FAM168A: variants seen among roughly 807,000 people sequenced by gnomAD.
FAM168A encodes family with sequence similarity 168 member A.
In FAM168A, 3 loss-of-function variants were observed where a neutral mutation model predicts 28.5. That is an observed-to-expected ratio of 0.11 (90% CI 0.05 to 0.27). The LOEUF (loss-of-function observed/expected upper bound fraction) is 0.27. Ranked by LOEUF, FAM168A falls within the 10% of genes least tolerant of loss-of-function variation. The pLI is 1.00. For synonymous variants in FAM168A, 122 were observed against 124.2 expected (o/e 0.98, Z 0.12); for missense variants, 222 against 311.5 (o/e 0.71, Z 2.16).
At chr11:73,548,686 A>C (rs1054484543) in intron 1 of FAM168A, among the ~76,000 whole-genome samples, 1 of 152,082 alleles carries the variant, frequency 6.6e-6, no homozygotes, top group Admixed American at 6.6e-5. Context: ...TGTCATCCAC[A>C]CTGGAGTGTA....
intron 1 of FAM168A, among the ~76,000 whole-genome samples, chr11:73,512,552 G>T (rs1184606073): frequency 6.6e-6 from 1 of 151,672 alleles, no homozygotes; most frequent in Non-Finnish European, 1.5e-5. Context: ...GGGGGATAAG[G>T]GTGGATTTTA....
intron 1 of FAM168A, among the ~76,000 whole-genome samples, chr11:73,565,352 C>A (rs1485820037): frequency 8.5e-5 from 13 of 152,132 alleles, no homozygotes; most frequent in Non-Finnish European, 4.4e-5. Context: ...TAAATTGAGA[C>A]CACATTATAA....
intron 1 of FAM168A, among the ~76,000 whole-genome samples, chr11:73,515,794 C>G (rs1943296132): frequency 1.3e-5 from 2 of 152,068 alleles, no homozygotes; most frequent in Non-Finnish European, 2.9e-5. Context: ...AACATTTTGG[C>G]TCAGTCTTAA....
chr11:73,537,645 C>T (rs1163038261), intron 1 of FAM168A, among the ~76,000 whole-genome samples: 1 of 152,188 alleles, frequency 6.6e-6, no homozygotes, highest in Non-Finnish European at 1.5e-5. Flanking sequence ...CTACCAGAGA[C>T]ATTCTAATGG....
intron 1 of FAM168A, among the ~76,000 whole-genome samples, chr11:73,572,077 G>T (rs928408091): frequency 1.3e-5 from 2 of 152,050 alleles, no homozygotes; most frequent in Admixed American, 6.5e-5. Context: ...TCTGGGAAGT[G>T]AGGAGCCCCT....
At chr11:73,542,901 T>C (rs1022433203) in intron 1 of FAM168A, among the ~76,000 whole-genome samples, 4 of 152,074 alleles carry the variant, frequency 2.6e-5, no homozygotes, top group African/African-American at 7.2e-5. Context: ...AACGGGAAAA[T>C]TCTCCTCTTC....
rs754912339 is a variant in FAM168A, at chr11:73,425,108, T to C, written c.152-5109A>G. On this transcript the variant is annotated intron_variant, in intron 3 of 7. Coordinates refer to ENST00000356467, the MANE Select transcript of FAM168A (RefSeq NM_015159.3). ...AAGAATTTGTGCAAAGTTGTATACA[T>C]TGCAGTTACATAAACAGACTTTGTT... The C allele has an allele frequency of 3.9e-6, 5 of 1,283,848 alleles. No individual in the cohort carries two copies. In the African/African-American group the frequency reaches 4.5e-5, roughly 12 times the overall value. The allele number at this position is 1,283,848 out of a possible 1,614,324, so 79.5% of individuals were successfully genotyped here.
chr11:73,498,900 CAT>C (rs1219126789), intron 1 of FAM168A, among the ~76,000 whole-genome samples: 1 of 152,176 alleles, frequency 6.6e-6, no homozygotes, highest in Non-Finnish European at 1.5e-5. Flanking sequence ...GACGGGTAGC[CAT>C]AGTTTCTTTG....
intron 1 of FAM168A, among the ~76,000 whole-genome samples, chr11:73,533,448 G>C (rs561322536): frequency 2.6e-5 from 4 of 152,054 alleles, no homozygotes; most frequent in Non-Finnish European, 5.9e-5. Flanking sequence ...CTCTTCCTTT[G>C]AAAACACATC....
At chr11:73,518,994 C>G (rs530685227) in intron 1 of FAM168A, among the ~76,000 whole-genome samples, 20 of 152,328 alleles carry the variant, frequency 1.3e-4, no homozygotes, top group Non-Finnish European at 1.8e-4. Flanking sequence ...GAAGCCCTCA[C>G]CAGAAGCAGA....
chr11:73,408,383 G>T (rs2134477246), intron 6 of FAM168A, among the ~76,000 whole-genome samples: 1 of 152,256 alleles, frequency 6.6e-6, no homozygotes, highest in African/African-American at 2.4e-5. Context: ...GGAGTAAGAG[G>T]CCTCAACCAT....
intron 1 of FAM168A, among the ~76,000 whole-genome samples, chr11:73,508,018 C>T (rs1386055405): frequency 2.0e-5 from 3 of 152,138 alleles, no homozygotes; most frequent in African/African-American, 7.2e-5. Context: ...ATAGCTCCAT[C>T]ACATAATTAA....
chr11:73,465,214 T>C (rs1867716013), intron 2 of FAM168A, among the ~76,000 whole-genome samples: 1 of 149,610 alleles, frequency 6.7e-6, no homozygotes, highest in Non-Finnish European at 1.5e-5. Flanking sequence ...AGACCAGATT[T>C]CAGCAGAGAT....
At chr11:73,407,372 C>T (rs1866524844) in intron 7 of FAM168A, 141 bp downstream of exon 7, 4 of 530,980 alleles carry the variant, frequency 7.5e-6, no homozygotes, top group South Asian at 2.9e-5. Context: ...ATATTATGGA[C>T]CTTGGAGCAG....
intron 1 of FAM168A, among the ~76,000 whole-genome samples, chr11:73,557,571 G>A (rs183633914): frequency 1.6e-3 from 248 of 152,106 alleles, no homozygotes; most frequent in African/African-American, 5.7e-3. Context: ...TTCATGAATT[G>A]GAAATTTTAA....
intron 1 of FAM168A, among the ~76,000 whole-genome samples, chr11:73,484,669 T>G (rs993823826): frequency 2.1e-5 from 3 of 144,016 alleles, no homozygotes; most frequent in Non-Finnish European, 3.0e-5. Flanking sequence ...TAGATAGATA[T>G]AGATATGTAT....
At chr11:73,573,742 G>A (rs888142369) in intron 1 of FAM168A, among the ~76,000 whole-genome samples, 1 of 151,474 alleles carries the variant, frequency 6.6e-6, no homozygotes, top group Non-Finnish European at 1.5e-5. Flanking sequence ...AGGTTGGCTG[G>A]AGGACAGGAG....
chr11:73,461,629 T>G (rs969684093), intron 2 of FAM168A, among the ~76,000 whole-genome samples: 1 of 152,200 alleles, frequency 6.6e-6, no homozygotes, highest in South Asian at 2.1e-4. Flanking sequence ...AACTTTCTAT[T>G]GCAAGCTAAG....
intron 1 of FAM168A, among the ~76,000 whole-genome samples, chr11:73,476,317 T>A (rs1338311124): frequency 2.6e-5 from 4 of 151,866 alleles, no homozygotes; most frequent in African/African-American, 7.3e-5. Flanking sequence ...GAAGCCAAGT[T>A]TAAAAATTAA....
Sources: allele counts gnomAD v4.1 joint callset (sites outside exome capture counted in the v4.1 genomes callset), GRCh38; gene constraint gnomAD v4.1.1; transcripts MANE v1.5; gene names NCBI Gene and HGNC (gene_info 2026-07-23, HGNC 2026-07-21).